Variants in RBM47 observed in about 807,000 individuals in gnomAD.
The protein encoded by RBM47 is RNA binding motif protein 47.
Under a neutral mutation model 47.1 loss-of-function variants are expected in RBM47, and 21 were observed. The observed-to-expected ratio is 0.45, with a 90% CI of 0.32 to 0.64. The LOEUF (loss-of-function observed/expected upper bound fraction) is 0.64. Ranked by LOEUF, RBM47 falls within the 30% of genes least tolerant of loss-of-function variation. The pLI, the probability that RBM47 is intolerant of heterozygous loss-of-function variation, is 0.05. For missense variants in RBM47, 708 were observed against 870.9 expected, an observed-to-expected ratio of 0.81 and a Z score of 2.35; for synonymous variants, 375 against 361.7, an observed-to-expected ratio of 1.04 and a Z score of -0.42.
chr4:40,515,528 C>T (rs1725471385), intron 2 of RBM47, among the ~76,000 whole-genome samples: 3 of 152,206 alleles, frequency 2.0e-5, no homozygotes, highest in Non-Finnish European at 4.4e-5. Context: ...AACCCATTCT[C>T]TGTCCCCACC....
At chr4:40,454,647 C>T (rs1024340668) in intron 3 of RBM47, among the ~76,000 whole-genome samples, 2 of 152,090 alleles carry the variant, frequency 1.3e-5, no homozygotes, top group African/African-American at 4.8e-5. Flanking sequence ...AGACAAGTGC[C>T]GCCATGCCCG....
chr4:40,596,957 G>GA (rs1734808968), intron 1 of RBM47, among the ~76,000 whole-genome samples: 1 of 152,152 alleles, frequency 6.6e-6, no homozygotes, highest in Non-Finnish European at 1.5e-5. Context: ...AAGTATTTAA[G>GA]TATTTAAAGT....
Position 40,438,303 on chromosome 4 carries a change from G to A in RBM47, c.591C>T (p.Ala197=). The part of the protein sequence containing the change: ...AADKMKNRGF[A]FVEYESHRAA... ...CGCGGTGGCTCTCGTACTCCACGAA[G>A]GCGAAGCCGCGGTTCTTCATCTTGT... Residue 197 remains alanine (A), a synonymous_variant, in exon 4 of 7, where the codon GCC becomes GCT. Transcript: ENST00000295971. 6.2e-7 allele frequency: 1 copy of A among 1,605,842 alleles called. No individual in the cohort carries two copies. The highest frequency in any genetic ancestry group is 8.5e-7 in the Non-Finnish European group (1 of 1,179,890).
At chr4:40,528,184 G>A (rs894388252) in intron 2 of RBM47, among the ~76,000 whole-genome samples, 4 of 152,054 alleles carry the variant, frequency 2.6e-5, no homozygotes, top group African/African-American at 4.8e-5. Context: ...AGGCCAAGGC[G>A]GGCAGATCAC....
intron 6 of RBM47, among the ~76,000 whole-genome samples, chr4:40,428,813 G>A (rs1199973827): frequency 1.3e-5 from 2 of 152,114 alleles, no homozygotes; most frequent in Non-Finnish European, 2.9e-5. Context: ...AAAGCATGCA[G>A]AGATCAGGCA....
chr4:40,586,088 G>A (rs1733551715), intron 1 of RBM47, among the ~76,000 whole-genome samples: 1 of 152,222 alleles, frequency 6.6e-6, no homozygotes, highest in Non-Finnish European at 1.5e-5. Flanking sequence ...AAATCCATAA[G>A]AGGGGATACA....
intron 6 of RBM47, among the ~76,000 whole-genome samples, chr4:40,429,762 T>C (rs1441495768): frequency 2.0e-5 from 3 of 148,768 alleles, no homozygotes; most frequent in Non-Finnish European, 4.4e-5. Flanking sequence ...TTCCCTCCTG[T>C]CAAGGAGGAG....
chr4:40,610,795 G>GT (rs1393608217), intron 1 of RBM47, among the ~76,000 whole-genome samples: 9 of 152,064 alleles, frequency 5.9e-5, no homozygotes, highest in African/African-American at 2.2e-4. Context: ...GACTATTCTC[G>GT]TGATAGTGAA....
intron 3 of RBM47, among the ~76,000 whole-genome samples, chr4:40,450,554 A>T (rs772524341): frequency 6.6e-6 from 1 of 152,258 alleles, no homozygotes; most frequent in African/African-American, 2.4e-5. Flanking sequence ...GTGAGCCAAG[A>T]TCGCACCAAT....
At chr4:40,582,688 T>G (rs904312189) in intron 1 of RBM47, among the ~76,000 whole-genome samples, 4 of 152,190 alleles carry the variant, frequency 2.6e-5, no homozygotes, top group Non-Finnish European at 5.9e-5. Flanking sequence ...CTTGTCACGT[T>G]TCCTGAACAC....
intron 2 of RBM47, chr4:40,514,706 T>C (rs1725360990): frequency 1.3e-5 from 2 of 152,240 alleles, no homozygotes; most frequent in African/African-American, 4.8e-5. Context: ...AGATATCATG[T>C]AATGTACAAT....
intron 1 of RBM47, among the ~76,000 whole-genome samples, chr4:40,575,296 C>T (rs888790580): frequency 6.6e-5 from 10 of 152,068 alleles, no homozygotes; most frequent in African/African-American, 2.4e-4. Context: ...TGGCTCACAC[C>T]TATAATCCCA....
At chr4:40,435,899 C>A (rs1194660483) in intron 5 of RBM47, among the ~76,000 whole-genome samples, 1 of 151,548 alleles carries the variant, frequency 6.6e-6, no homozygotes, top group East Asian at 1.9e-4. Flanking sequence ...TGGCTCACTC[C>A]TCTAATCCCA....
rs145446149 is a variant in RBM47 at position 40,435,878 on chromosome 4, G to T, written c.1330+563C>A. Among the ~76,000 whole-genome samples the T allele has an allele frequency of 2.7e-3, 408 of 151,764 alleles. 3 individuals are homozygous for T. Among genetic ancestry groups the T allele is most frequent in the Non-Finnish European group, 4.8e-3 (325 of 67,956 alleles). On this transcript the variant is annotated intron_variant, in intron 5 of 6. Transcript: ENST00000295971. ...AGCCCTTTGAAAACCTTACTGCATG[G>T]CCAGGCGCAGTGGCTCACTCCTCTA...
At chr4:40,468,161 C>T (rs1463246681) in intron 2 of RBM47, among the ~76,000 whole-genome samples, 1 of 152,130 alleles carries the variant, frequency 6.6e-6, no homozygotes, top group East Asian at 1.9e-4. Flanking sequence ...GTGGTAGGCG[C>T]CTGTAATCCC....
rs73147513 is a variant in RBM47, at chr4:40,516,820, C to T, written c.-155+27602G>A. 7.8e-3 allele frequency among the ~76,000 whole-genome samples: 1,183 copies of T among 152,278 alleles called. 16 individuals carry two copies. The highest frequency in any genetic ancestry group is 0.027 in the African/African-American group (1,103 of 41,544). On this transcript the variant is annotated intron_variant, in intron 2 of 6. Coordinates refer to ENST00000295971, the MANE Select transcript of RBM47 (RefSeq NM_001098634.2). ...GCCCCACCTGGTCTAACCTGCTCTC[C>T]CCGCCACCTGTGGCATAGTTTCCTC...
At chr4:40,552,392 T>C (rs1729646597) in intron 1 of RBM47, among the ~76,000 whole-genome samples, 1 of 140,212 alleles carries the variant, frequency 7.1e-6, no homozygotes, top group Non-Finnish European at 1.5e-5. Flanking sequence ...AGTGAGACTC[T>C]GTCTCAAAAA....
chr4:40,443,619 A>G (rs2154215918), intron 3 of RBM47, among the ~76,000 whole-genome samples: 2 of 148,548 alleles, frequency 1.3e-5, no homozygotes, highest in South Asian at 4.4e-4. Context: ...CAGGATGCTA[A>G]GGCAGGAGAA....
At position 40,438,308 on chromosome 4, in the gene RBM47, A is replaced by C; in HGVS notation, c.586T>G (p.Phe196Val). ...TGGCTCTCGTACTCCACGAAGGCGA[A>C]GCCGCGGTTCTTCATCTTGTCGGCC... ...SAADKMKNRGFAFVEYESHRA... is the reference protein window; with the variant it reads ...SAADKMKNRGVAFVEYESHRA... Residue 196 changes from phenylalanine to valine, a missense_variant, in exon 4 of 7, where the codon TTC becomes GTC. Physicochemically the swap from Phe to Val is conservative, Grantham distance 50. Transcript: ENST00000295971. 6.2e-7 allele frequency: 1 copy of C among 1,606,508 alleles called. No homozygotes were observed. Among genetic ancestry groups the C allele is most frequent in the Non-Finnish European group, 8.5e-7 (1 of 1,179,882 alleles).
Sources: allele counts gnomAD v4.1 joint callset (sites outside exome capture counted in the v4.1 genomes callset), GRCh38; gene constraint gnomAD v4.1.1; transcripts MANE v1.5; gene names NCBI Gene and HGNC (gene_info 2026-07-23, HGNC 2026-07-21).